Variants in MYO6 observed in about 807,000 individuals in gnomAD.
MYO6 encodes the protein myosin VI, also known as unconventional myosin-VI.
Under a neutral mutation model 178.7 loss-of-function variants are expected in MYO6, and 74 were observed. That is an observed-to-expected ratio of 0.41 (90% CI 0.34 to 0.50). The LOEUF is 0.50. MYO6 is among the 20% of genes least tolerant of loss of function. The probability of loss-of-function intolerance (pLI) is 0.09; values close to 1 mark genes in which losing one functional copy is unlikely to be tolerated. For missense variants in MYO6, 1,330 were observed against 1,547.4 expected, an observed-to-expected ratio of 0.86 and a Z score of 2.36; for synonymous variants, 477 against 504.6, an observed-to-expected ratio of 0.95 and a Z score of 0.73.
chr6:75,886,738 T>C, intron 24 of MYO6, 106 bp from the exon 25 acceptor site: 1 of 1,064,400 alleles, frequency 9.4e-7, no homozygotes, highest in East Asian at 2.4e-5. Context: ...TAGTAGATAA[T>C]ATTGAAAACA....
intron 1 of MYO6, among the ~76,000 whole-genome samples, chr6:75,792,611 T>G (rs6920348): frequency 0.32 from 48,445 of 151,934 alleles, 12,219 homozygotes; most frequent in African/African-American, 0.69. Context: ...TATTGAAAAA[T>G]TACTTTTTTT....
intron 7 of MYO6, among the ~76,000 whole-genome samples, chr6:75,837,167 G>T: frequency 6.6e-6 from 1 of 151,956 alleles, no homozygotes; most frequent in South Asian, 2.1e-4. Flanking sequence ...TAATAATGGT[G>T]GTAATAACAT....
intron 30 of MYO6, among the ~76,000 whole-genome samples, chr6:75,901,966 G>T (rs6919021): frequency 6.6e-6 from 1 of 152,160 alleles, no homozygotes; most frequent in Admixed American, 6.5e-5. Flanking sequence ...AGCCTTTTCT[G>T]CATCTATTGA....
chr6:75,844,079 T>C (rs1300681985), intron 9 of MYO6, among the ~76,000 whole-genome samples: 8 of 152,180 alleles, frequency 5.3e-5, no homozygotes, highest in Admixed American at 5.2e-4. Context: ...GTCTTTAGGC[T>C]GTGTGTAATT....
chr6:75,869,228 A>C (rs1776945825), intron 18 of MYO6, among the ~76,000 whole-genome samples: 1 of 152,088 alleles, frequency 6.6e-6, no homozygotes, highest in African/African-American at 2.4e-5. Context: ...GAACTCTGTC[A>C]GTGAGATAAG....
At chr6:75,797,394 G>A (rs1287477376) in intron 1 of MYO6, among the ~76,000 whole-genome samples, 1 of 152,090 alleles carries the variant, frequency 6.6e-6, no homozygotes, top group African/African-American at 2.4e-5. Flanking sequence ...CGTCCAGTGT[G>A]TGTATTTATT....
intron 1 of MYO6, among the ~76,000 whole-genome samples, chr6:75,757,402 C>T (rs1222441645): frequency 6.7e-6 from 1 of 149,750 alleles, no homozygotes; most frequent in Non-Finnish European, 1.5e-5. Flanking sequence ...TATATATACA[C>T]ACACACACAT....
At chr6:75,890,425 C>T (rs896548984) in intron 26 of MYO6, among the ~76,000 whole-genome samples, 160 bp downstream of exon 26, 2 of 152,166 alleles carry the variant, frequency 1.3e-5, no homozygotes. Flanking sequence ...TGGCTTACTG[C>T]ACTCTGCCTC....
In MYO6 at chr6:75,785,504, C is replaced by T. The variant is rs553413982; in HGVS notation, c.-47-31997C>T. ...TTTTTTTTTTTGAGACTGGGTATTA[C>T]TGTGTTGTCCACACCAGACTGCAGT... On this transcript the variant is annotated intron_variant, in intron 1 of 34. Transcript: ENST00000369977. Among the ~76,000 whole-genome samples, 7 of 135,034 alleles carry T rather than the reference C, an allele frequency of 5.2e-5. No individual in the cohort carries two copies. In the South Asian group the frequency reaches 1.2e-3, roughly 23 times the overall value. The allele number at this position is 135,034 out of a possible 152,430, so 88.6% of individuals were successfully genotyped here.
At position 75,908,562 on chromosome 6, in the gene MYO6, A is replaced by C; in HGVS notation, c.3347A>C (p.Lys1116Thr). 1 of 1,613,630 alleles carries C rather than the reference A, an allele frequency of 6.2e-7. No individual in the cohort carries two copies. The highest frequency in any genetic ancestry group is 8.5e-7 in the Non-Finnish European group (1 of 1,179,688). Residue 1116 changes from lysine to threonine, a missense_variant, in exon 32 of 35, where the codon AAA (lysine) becomes ACA (threonine). Lys to Thr is a moderately conservative substitution (Grantham distance 78). This residue lies in a region of MYO6 where 601 missense variants were observed against 626.1 expected (regional missense o/e 0.96). Transcript: ENST00000369977. ...HRRLKVYHAWKSKNKKRNTET... is the reference protein window; with the variant it reads ...HRRLKVYHAWTSKNKKRNTET... ...AGACTAAAAGTGTATCATGCTTGGAAATCTAAGAACAAGAAGAGAAATACT... is the reference window on the plus strand; with the variant it reads ...AGACTAAAAGTGTATCATGCTTGGACATCTAAGAACAAGAAGAGAAATACT...
At chr6:75,781,884 C>T (rs1314992418) in intron 1 of MYO6, among the ~76,000 whole-genome samples, 1 of 130,578 alleles carries the variant, frequency 7.7e-6, no homozygotes, top group Non-Finnish European at 1.5e-5. Context: ...CGCCACTGTA[C>T]TCCAGCCTGA....
chr6:75,754,672 T>G (rs572914969), intron 1 of MYO6, among the ~76,000 whole-genome samples: 1 of 152,128 alleles, frequency 6.6e-6, no homozygotes, highest in Non-Finnish European at 1.5e-5. Flanking sequence ...GTTTTAGATA[T>G]GACAAGTGTG....
intron 33 of MYO6, among the ~76,000 whole-genome samples, chr6:75,913,840 T>G (rs1269789957): frequency 1.3e-5 from 2 of 152,116 alleles, no homozygotes; most frequent in African/African-American, 4.8e-5. Flanking sequence ...ATGTGTGTGT[T>G]TGTGTTGGCA....
intron 1 of MYO6, among the ~76,000 whole-genome samples, chr6:75,804,982 C>G (rs1017571133): frequency 7.6e-6 from 1 of 131,286 alleles, no homozygotes; most frequent in Non-Finnish European, 1.5e-5. Context: ...TATACACACA[C>G]ATATATATAT....
In MYO6 at chr6:75,880,087, T is replaced by G. The variant is rs1303570886; in HGVS notation, c.2253T>G (p.Phe751Leu). The G allele has an allele frequency of 2.5e-6, 4 of 1,611,704 alleles. No individual in the cohort carries two copies. The highest frequency in any genetic ancestry group is 3.4e-6 in the Non-Finnish European group (4 of 1,179,660). Reference protein sequence around the residue: ...ALGLNENDYKFGLTKVFFRPG... With the variant: ...ALGLNENDYKLGLTKVFFRPG... ...GCTTAAATGAAAATGACTACAAGTT[T>G]GGGTTAACCAAAGTATTTTTTAGAC... Residue 751 changes from phenylalanine (F) to leucine (L), a missense_variant, in exon 22 of 35, where the codon TTT becomes TTG. Coordinates refer to ENST00000369977, the MANE Select transcript of MYO6 (RefSeq NM_004999.4).
At chr6:75,787,106 A>G (rs948494701) in intron 1 of MYO6, among the ~76,000 whole-genome samples, 5 of 152,220 alleles carry the variant, frequency 3.3e-5, no homozygotes, top group Non-Finnish European at 4.4e-5. Context: ...TTTTGTAAAG[A>G]TGCCTATGCA....
rs72654784 is a variant in MYO6, at chr6:75,854,506, C to T, written c.1079-633C>T. On this transcript the variant is annotated intron_variant, in intron 11 of 34. Coordinates refer to ENST00000369977, the MANE Select transcript of MYO6 (RefSeq NM_004999.4). The stretch of plus-strand genomic sequence containing the variant: ...TGAAACATAAATGAATTTTGTGTTT[C>T]GAATTCAGCTCATCATGTATATGCA... Among the ~76,000 whole-genome samples, 2,013 of 151,634 alleles carry T rather than the reference C, an allele frequency of 0.013. 78 individuals carry two copies. The East Asian group carries it at 0.15, about 11-fold the overall frequency.
intron 2 of MYO6, among the ~76,000 whole-genome samples, chr6:75,821,646 C>A (rs1051716036): frequency 1.5e-5 from 2 of 130,286 alleles, no homozygotes; most frequent in African/African-American, 5.2e-5. Flanking sequence ...CACAAACACA[C>A]ACACACACAC....
chr6:75,898,261 A>G (rs892795141), intron 29 of MYO6, 112 bp from the exon 30 acceptor site: 1 of 687,956 alleles, frequency 1.5e-6, no homozygotes, highest in African/African-American at 1.8e-5. Flanking sequence ...AGTTATGAAC[A>G]GTTGTTAAAT....
Sources: allele counts gnomAD v4.1 joint callset (sites outside exome capture counted in the v4.1 genomes callset), GRCh38; gene constraint gnomAD v4.1.1; regional missense constraint gnomAD v4.1.1; transcripts MANE v1.5; gene names NCBI Gene and HGNC (gene_info 2026-07-23, HGNC 2026-07-21).